PRSS23: variants seen among roughly 807,000 people sequenced by gnomAD.
PRSS23 encodes protease, serine 23.
In PRSS23, 25 loss-of-function variants were observed where a neutral mutation model predicts 34.7. That is an observed-to-expected ratio of 0.72 (90% CI 0.53 to 1.01). The LOEUF is 1.01. Among genes scored for constraint, PRSS23 ranks in the 50% least tolerant of loss-of-function variants. The pLI, the probability that PRSS23 is intolerant of heterozygous loss-of-function variation, is 0.00. For synonymous variants in PRSS23, 176 were observed against 186.6 expected (o/e 0.94, Z 0.46); for missense variants, 445 against 475.6 (o/e 0.94, Z 0.60).
chr11:86,853,748 G>A (rs1948548375), intron 2 of PRSS23, among the ~76,000 whole-genome samples: 1 of 152,088 alleles, frequency 6.6e-6, no homozygotes, highest in Non-Finnish European at 1.5e-5. Flanking sequence ...AGGTACCCAC[G>A]AATGTAACTG....
intron 2 of PRSS23, among the ~76,000 whole-genome samples, chr11:86,850,759 G>A (rs1042221939): frequency 1.3e-5 from 2 of 152,124 alleles, no homozygotes; most frequent in African/African-American, 4.8e-5. Flanking sequence ...GTAACGTCCT[G>A]TAAGATCCTG....
Position 86,833,498 on chromosome 11 carries a change from T to G in PRSS23, c.206+9905T>G, listed in dbSNP as rs1451812698. On this transcript the variant is annotated intron_variant, in intron 2 of 2. Coordinates refer to the PRSS23 transcript ENST00000533902. ...GTATATATATATATATATTTACTGT[T>G]GCAAGATTTAATAGAGTGAAGACAG... 7 of 318,528 alleles carry G rather than the reference T, an allele frequency of 2.2e-5. No homozygotes were observed. In the East Asian group the frequency reaches 4.2e-4, roughly 19 times the overall value. 19.7% of individuals were successfully genotyped at this position (318,528 alleles called of 1,614,324 possible).
intron 2 of PRSS23, among the ~76,000 whole-genome samples, chr11:86,837,826 C>G (rs999623002): frequency 3.3e-5 from 5 of 152,100 alleles, no homozygotes; most frequent in African/African-American, 1.2e-4. Flanking sequence ...TTAAGATGGC[C>G]AAATAGGAAC....
intron 2 of PRSS23, among the ~76,000 whole-genome samples, chr11:86,891,869 G>A (rs1342045636): frequency 1.3e-5 from 2 of 152,136 alleles, no homozygotes; most frequent in African/African-American, 2.4e-5. Flanking sequence ...CTGCTGCCTT[G>A]TGAATAAGGT....
Position 86,807,523 on chromosome 11 carries a change from T to C in PRSS23, c.-13-108T>C, listed in dbSNP as rs541736378. On this transcript the variant is annotated intron_variant, in intron 1 of 1. Coordinates refer to ENST00000280258, the MANE Select transcript of PRSS23 (RefSeq NM_007173.6). ...TCTCCACACCCTGATTCCTGAGGAG[T>C]GTTCAAAGACTCAGAAACAATGACA... 9.2e-4 allele frequency: 954 copies of C among 1,034,892 alleles called. 2 individuals carry two copies. The highest frequency in any genetic ancestry group is 1.0e-3 in the Non-Finnish European group (705 of 706,972). 64.1% of individuals were successfully genotyped at this position (1,034,892 alleles called of 1,614,324 possible).
chr11:86,910,485 T>C (rs1047752156), intron 2 of PRSS23: 1 of 152,220 alleles, frequency 6.6e-6, no homozygotes, highest in Non-Finnish European at 1.5e-5. Context: ...GTAGGTAGAA[T>C]ATGTTTTAGT....
At chr11:86,936,693 C>T (rs916574864) in intron 2 of PRSS23, 1 of 151,968 alleles carries the variant, frequency 6.6e-6, no homozygotes. Flanking sequence ...GGCTTGAGCC[C>T]AAGAGTTTGA....
intron 2 of PRSS23, among the ~76,000 whole-genome samples, chr11:86,830,402 T>C (rs1590883327): frequency 6.6e-6 from 1 of 152,276 alleles, no homozygotes; most frequent in South Asian, 2.1e-4. Flanking sequence ...GTCACCCCTT[T>C]CTTTGACTAG....
At position 86,951,251 on chromosome 11, in the gene PRSS23, T is replaced by C. The variant is rs1949288463; in HGVS notation, c.242T>C (p.Val81Ala). 2 of 1,614,188 alleles carry C rather than the reference T, an allele frequency of 1.2e-6. No individual in the cohort carries two copies. Among genetic ancestry groups the C allele is most frequent in the Non-Finnish European group, 1.7e-6 (2 of 1,180,016 alleles). ...TCTGTTGGAACACTTCTGCCACGTG[T>C]GAAGAGTTTTGGCAGACCAAATCCA... Residue 81 changes from valine to alanine, a missense_variant, in exon 3 of 3, where the codon GTG (valine) becomes GCG (alanine). Physicochemically the swap from Val to Ala is moderately conservative, Grantham distance 64. Transcript: ENST00000533902.
intron 2 of PRSS23, among the ~76,000 whole-genome samples, chr11:86,838,880 C>T (rs1047276643): frequency 6.6e-6 from 1 of 152,128 alleles, no homozygotes; most frequent in Non-Finnish European, 1.5e-5. Context: ...AGACCTGCAA[C>T]TGAGGGGCCT....
At chr11:86,834,141 G>T (rs1948383601) in intron 2 of PRSS23, among the ~76,000 whole-genome samples, 1 of 152,152 alleles carries the variant, frequency 6.6e-6, no homozygotes, top group Non-Finnish European at 1.5e-5. Context: ...TTATTTCTTT[G>T]GCACACTTCA....
intron 2 of PRSS23, among the ~76,000 whole-genome samples, chr11:86,862,650 T>C (rs2134936255): frequency 6.6e-6 from 1 of 151,850 alleles, no homozygotes; most frequent in African/African-American, 2.4e-5. Flanking sequence ...TTACTTGTAA[T>C]GACACAGGGG....
chr11:86,864,786 A>G (rs2134938888), intron 2 of PRSS23, among the ~76,000 whole-genome samples: 1 of 152,298 alleles, frequency 6.6e-6, no homozygotes, highest in South Asian at 2.1e-4. Context: ...CACCTTTTCC[A>G]GCTTCTAGAG....
At chr11:86,902,432 A>C (rs1242487240) in intron 2 of PRSS23, among the ~76,000 whole-genome samples, 2 of 152,186 alleles carry the variant, frequency 1.3e-5, no homozygotes, top group African/African-American at 4.8e-5. Flanking sequence ...TGGATGACCT[A>C]GATAAGGGTC....
chr11:86,791,842 T>C (rs928382010), intron 1 of PRSS23, among the ~76,000 whole-genome samples: 2 of 152,240 alleles, frequency 1.3e-5, no homozygotes, highest in African/African-American at 4.8e-5. Context: ...TGCTGCCATG[T>C]GTAAGAGCTG....
chr11:86,948,951 C>T (rs1221412833), intron 2 of PRSS23: 1 of 152,600 alleles, frequency 6.6e-6, no homozygotes, highest in Non-Finnish European at 1.5e-5. Flanking sequence ...CAGGCTCTGC[C>T]CCTGGGTGCG....
chr11:86,888,172 C>G (rs2134969001), intron 2 of PRSS23, among the ~76,000 whole-genome samples: 1 of 150,086 alleles, frequency 6.7e-6, no homozygotes, highest in East Asian at 2.0e-4. Flanking sequence ...ATGGTTAATT[C>G]TGCTCAGGAA....
At chr11:86,875,063 A>G (rs777317405) in intron 2 of PRSS23, among the ~76,000 whole-genome samples, 2 of 152,232 alleles carry the variant, frequency 1.3e-5, no homozygotes, top group South Asian at 2.1e-4. Flanking sequence ...CAGGAACTGC[A>G]TGGTCTTTAA....
chr11:86,912,034 C>T (rs1408431830), intron 2 of PRSS23: 1 of 152,182 alleles, frequency 6.6e-6, no homozygotes, highest in Non-Finnish European at 1.5e-5. Flanking sequence ...GCCTCGGCCT[C>T]TCAAAGTGTT....
Sources: gnomAD v4.1 joint callset for allele counts (sites outside exome capture counted in the v4.1 genomes callset) on GRCh38, gnomAD v4.1.1 for gene constraint, MANE v1.5 for transcripts, NCBI Gene and HGNC (gene_info 2026-07-23, HGNC 2026-07-21) for gene names.